The following OTOG variants were observed in gnomAD, a reference collection of about 807,000 sequenced individuals.
OTOG encodes the protein otogelin.
OTOG carries 296 observed loss-of-function variants against 313.8 expected under a neutral mutation model. The observed-to-expected ratio is 0.94, with a 90% confidence interval of 0.86 to 1.04. The LOEUF is 1.04. OTOG is among the 50% of genes least tolerant of loss of function. The pLI is 0.00. For synonymous variants in OTOG, 1,533 were observed against 1,554.9 expected, an observed-to-expected ratio of 0.99 and a Z score of 0.33; for missense variants, 3,948 against 3,840.1, an observed-to-expected ratio of 1.03 and a Z score of -0.74.
At chr11:17,617,162 T>C (rs1353166234) in intron 39 of OTOG, among the ~76,000 whole-genome samples, 1 of 152,228 alleles carries the variant, frequency 6.6e-6, no homozygotes, top group East Asian at 1.9e-4. Context: ...TTACATTGAT[T>C]TTTGTGTGTT....
At chr11:17,631,626 A>T (rs762505766) in intron 40 of OTOG, 76 bp from the exon 41 acceptor site, 552 of 1,212,976 alleles carry the variant, frequency 4.6e-4, no homozygotes, top group Middle Eastern at 1.1e-3. Flanking sequence ...ACTGTGAGGA[A>T]TACAAAAAGT....
In OTOG at chr11:17,573,111, C is replaced by A; in HGVS notation, c.2114C>A (p.Thr705Lys). The stretch of plus-strand genomic sequence containing the variant: ...TCAGTGCAGGCCTGCAGCGTGCTCA[C>A]GGGGGAGATGTTTGCGCCCTGCTCT... ...SYSVQACSVL[T>K]GEMFAPCSAF... is the part of the protein sequence containing the mutation. Residue 705 changes from threonine (T) to lysine (K), a missense_variant, in exon 19 of 56, where the codon ACG becomes AAG. By Grantham distance (78) the Thr-to-Lys change is moderately conservative (BLOSUM62 -1). Transcript: ENST00000399397. 5 of 1,548,238 alleles carry A rather than the reference C, an allele frequency of 3.2e-6. No homozygotes were observed. The highest frequency in any genetic ancestry group is 4.4e-6 in the Non-Finnish European group (5 of 1,146,966).
At chr11:17,582,928 C>A (rs968593578) in intron 23 of OTOG, among the ~76,000 whole-genome samples, 1 of 151,834 alleles carries the variant, frequency 6.6e-6, no homozygotes, top group Admixed American at 6.6e-5. Context: ...ACTTAACATG[C>A]CTTGAAGTAT....
At chr11:17,609,554 G>T in intron 35 of OTOG, 101 bp from the exon 36 acceptor site, 1 of 1,096,236 alleles carries the variant, frequency 9.1e-7, no homozygotes, top group South Asian at 1.7e-5. Context: ...CCCCATCACC[G>T]AGAGTGCCAG....
chr11:17,558,700 A>C, intron 10 of OTOG, 56 bp downstream of exon 10: 1 of 1,484,080 alleles, frequency 6.7e-7, no homozygotes, highest in Non-Finnish European at 9.1e-7. Context: ...GTGAGTGCTC[A>C]GCACACGGGC....
At chr11:17,627,448 T>G (rs1854013464) in intron 39 of OTOG, among the ~76,000 whole-genome samples, 2 of 152,222 alleles carry the variant, frequency 1.3e-5, no homozygotes, top group African/African-American at 4.8e-5. Context: ...GAATCCCACT[T>G]GGTCACAATT....
intron 20 of OTOG, 26 bp from the exon 21 acceptor site, chr11:17,576,530 C>T: frequency 1.3e-6 from 2 of 1,540,476 alleles, no homozygotes; most frequent in East Asian, 2.4e-5. Context: ...GCCTGCTCAC[C>T]TTTCTTTGCT....
Position 17,609,187 on chromosome 11 carries a change from G to C in OTOG, c.4332G>C (p.Gln1444His), listed in dbSNP as rs2134087933. 2 of 1,550,588 alleles carry C rather than the reference G, an allele frequency of 1.3e-6. No individual in the cohort carries two copies. Among genetic ancestry groups the C allele is most frequent in the Admixed American group, 3.9e-5 (2 of 50,994 alleles). The part of the protein sequence containing the change: ...PTPQVLDEVT[Q>H]RCVYLEDCVE... ...CCCAGGTCCTGGATGAAGTCACACA[G>C]AGATGTGTCTACTTGGAGGACTGTA... The change falls in exon 35 of 56, where the codon CAG (glutamine) becomes CAC (histidine). Residue 1444 changes from glutamine (Q) to histidine (H), a missense_variant. Physicochemically the swap from Gln to His is conservative, Grantham distance 24. Coordinates refer to ENST00000399397, the MANE Select transcript of OTOG (RefSeq NM_001292063.2).
rs962441818 is a variant in OTOG, at chr11:17,629,278, C to T, written c.6674C>T (p.Ala2225Val). ...LHSSGLMIVE[A>V]SKTSKAQGHG... ...AGCTCAGGACTCATGATCGTGGAGGCCAGCAAAACCAGCAAGGCCCAGGGC... is the reference window on the plus strand; with the variant it reads ...AGCTCAGGACTCATGATCGTGGAGGTCAGCAAAACCAGCAAGGCCCAGGGC... The change falls in exon 40 of 56, where the codon GCC (alanine) becomes GTC (valine). Residue 2225 changes from alanine to valine, a missense_variant. Ala to Val is a moderately conservative substitution (Grantham distance 64, BLOSUM62 0). Transcript: ENST00000399397. The T allele has an allele frequency of 6.5e-6, 10 of 1,550,350 alleles. No homozygotes were observed. The African/African-American group carries it at 1.1e-4, about 17-fold the overall frequency.
chr11:17,562,046 A>AAAATATATAT (rs1440986349), intron 15 of OTOG, among the ~76,000 whole-genome samples: 6 of 139,838 alleles, frequency 4.3e-5, no homozygotes, highest in South Asian at 2.2e-4. Flanking sequence ...CTAAAAAAAA[A>AAAATATATAT]ATATATATAT....
rs375091857 is a variant in OTOG, at chr11:17,613,259, CTT to C, written c.6439-351_6439-350del. On this transcript the variant is annotated intron_variant, in intron 38 of 55. Coordinates refer to ENST00000399397, the MANE Select transcript of OTOG (RefSeq NM_001292063.2). ...TCTTTCTTTCTTTCTTTCTTTCTTT[CTT>C]TCTTTCTCTCTCTGTCTGTCTTTCT... Among the ~76,000 whole-genome samples the C allele has an allele frequency of 2.2e-3, 284 of 130,410 alleles. 2 individuals are homozygous for C. Among genetic ancestry groups the C allele is most frequent in the African/African-American group, 8.5e-3 (264 of 31,130 alleles). 85.6% of individuals were successfully genotyped at this position (130,410 alleles called of 152,430 possible).
chr11:17,565,248 T>A (rs1249289355), intron 15 of OTOG, among the ~76,000 whole-genome samples: 1 of 152,202 alleles, frequency 6.6e-6, no homozygotes, highest in African/African-American at 2.4e-5. Context: ...ATCTTCAAAG[T>A]TTGAAGAGTG....
At chr11:17,643,204 A>G (rs1263980908) in intron 53 of OTOG, among the ~76,000 whole-genome samples, 1 of 152,198 alleles carries the variant, frequency 6.6e-6, no homozygotes, top group Non-Finnish European at 1.5e-5. Context: ...CATGAGGGGA[A>G]CTGCCCCAGG....
chr11:17,635,352 G>A (rs1854239565), intron 46 of OTOG, among the ~76,000 whole-genome samples, 165 bp downstream of exon 46: 1 of 152,132 alleles, frequency 6.6e-6, no homozygotes, highest in Non-Finnish European at 1.5e-5. Flanking sequence ...GGGAGGAAGA[G>A]GACACCGACC....
intron 11 of OTOG, 91 bp downstream of exon 11, chr11:17,559,252 C>A: frequency 1.9e-6 from 2 of 1,071,674 alleles, no homozygotes; most frequent in Non-Finnish European, 2.6e-6. Flanking sequence ...TGCTCAGAAT[C>A]ACAGTTATCA....
At chr11:17,593,143 A>C in intron 25 of OTOG, 50 bp from the exon 26 acceptor site, 3 of 1,511,656 alleles carry the variant, frequency 2.0e-6, no homozygotes, top group South Asian at 1.2e-5. Flanking sequence ...ACCTCTTGGC[A>C]GGATCTCCTT....
chr11:17,608,194 G>T, intron 33 of OTOG, 102 bp from the exon 34 acceptor site: 1 of 729,130 alleles, frequency 1.4e-6, no homozygotes. Context: ...TCCCTGCATG[G>T]GTCCATTTGT....
chr11:17,610,561 A>G lies in OTOG; in HGVS notation c.5261A>G (p.Gln1754Arg), dbSNP rs766740155. The change falls in exon 36 of 56, where the codon CAG becomes CGG. Residue 1754 changes from glutamine (Q) to arginine (R), a missense_variant. Gln to Arg is a conservative substitution (Grantham distance 43). Coordinates refer to ENST00000399397, the MANE Select transcript of OTOG (RefSeq NM_001292063.2). ...PLPSAPPRPA[Q>R]HTTMATRSPA... is the part of the protein sequence containing the mutation. ...CCCTCTGCACCACCCCGCCCAGCCC[A>G]GCATACCACCATGGCCACCAGGTCT... The G allele has an allele frequency of 1.9e-6, 3 of 1,549,988 alleles. No individual in the cohort carries two copies. Among genetic ancestry groups the G allele is most frequent in the South Asian group, 2.4e-5 (2 of 83,952 alleles).
chr11:17,550,810 G>A (rs572047479), intron 3 of OTOG, among the ~76,000 whole-genome samples: 1 of 152,302 alleles, frequency 6.6e-6, no homozygotes, highest in Non-Finnish European at 1.5e-5. Flanking sequence ...AGGATTGCTC[G>A]GGAGAACCCA....
Sources: gnomAD v4.1 joint callset for allele counts (sites outside exome capture counted in the v4.1 genomes callset) on GRCh38, gnomAD v4.1.1 for gene constraint, MANE v1.5 for transcripts, NCBI Gene and HGNC (gene_info 2026-07-23, HGNC 2026-07-21) for gene names.